The following ANK3 variants were observed in gnomAD, a reference collection of about 807,000 sequenced individuals.
The protein encoded by ANK3 is ankyrin 3.
A neutral mutation model predicts 370.9 loss-of-function variants in ANK3; 57 were observed. The observed-to-expected ratio is 0.15, with a 90% CI of 0.12 to 0.19. The LOEUF (loss-of-function observed/expected upper bound fraction) is 0.19. ANK3 is among the 10% of genes least tolerant of loss of function. The pLI is 1.00. For synonymous variants in ANK3, 1,929 were observed against 1,946.3 expected (o/e 0.99, Z 0.23); for missense variants, 4,439 against 5,302.1 (o/e 0.84, Z 5.06).
intron 1 of ANK3, among the ~76,000 whole-genome samples, chr10:60,724,104 G>A (rs1316272052): frequency 1.2e-4 from 16 of 129,998 alleles, no homozygotes; most frequent in Non-Finnish European, 1.0e-4. Context: ...CAGCTACTCG[G>A]GAGGCTGAGG....
At chr10:60,509,409 G>A (rs1201224034) in intron 2 of ANK3, among the ~76,000 whole-genome samples, 1 of 151,728 alleles carries the variant, frequency 6.6e-6, no homozygotes, top group Non-Finnish European at 1.5e-5. Flanking sequence ...CATTTTTTTT[G>A]TAAACAAGGA....
At position 60,026,641 on chromosome 10, in the gene ANK3, G is replaced by A. The variant is rs900286826; in HGVS notation, c.*3205C>T. 1.3e-5 allele frequency: 2 copies of A among 152,154 alleles called. No individual in the cohort carries two copies. The highest frequency in any genetic ancestry group is 2.4e-5 in the African/African-American group (1 of 41,436). 9.4% of individuals were successfully genotyped at this position (152,154 alleles called of 1,614,324 possible). A position where few individuals can be genotyped will look rare whatever the true frequency, so the allele number is the denominator to read the frequency against. On this transcript the variant is annotated 3_prime_UTR_variant, in exon 44 of 44. Transcript: ENST00000280772. ...TCCAGGATGATACCAAATGAACAGC[G>A]AGGAACATCAGGATGCCAAAAAGTC...
At position 60,075,705 on chromosome 10, in the gene ANK3, G is replaced by T; in HGVS notation, c.5176C>A (p.Pro1726Thr). The T allele has an allele frequency of 1.9e-6, 3 of 1,614,058 alleles. No homozygotes were observed. The highest frequency in any genetic ancestry group is 1.1e-5 in the South Asian group (1 of 91,080). ...VNGSISPLKY[P>T]SSSTLINGCK... Reference sequence around the variant, plus strand: ...CCATTAATTAAAGTTGAGGATGATGGATATTTTAGAGGGGAAATAGATCCA... The same window carrying T: ...CCATTAATTAAAGTTGAGGATGATGTATATTTTAGAGGGGAAATAGATCCA... The change falls in exon 37 of 44, where the codon CCA becomes ACA. Residue 1726 changes from proline (P) to threonine (T), a missense_variant. This residue lies in a region of ANK3 where 679 missense variants were observed against 791.0 expected (regional missense o/e 0.86). Coordinates refer to ENST00000280772, the MANE Select transcript of ANK3 (RefSeq NM_020987.5).
chr10:60,153,483 T>C (rs1201847544), intron 23 of ANK3, among the ~76,000 whole-genome samples: 2 of 152,164 alleles, frequency 1.3e-5, no homozygotes, highest in African/African-American at 2.4e-5. Context: ...ACAGATTGCA[T>C]AAAACTCAGA....
chr10:60,430,707 T>C (rs1480631191), intron 2 of ANK3, among the ~76,000 whole-genome samples: 1 of 152,174 alleles, frequency 6.6e-6, no homozygotes, highest in Non-Finnish European at 1.5e-5. Context: ...TTGTGGGTAA[T>C]GAGAGAAAAA....
At chr10:60,272,347 C>CT (rs1196357344) in intron 4 of ANK3, among the ~76,000 whole-genome samples, 4 of 152,126 alleles carry the variant, frequency 2.6e-5, no homozygotes, top group Non-Finnish European at 5.9e-5. Context: ...ACCAGTATGG[C>CT]TTTTTCTCAT....
At chr10:60,109,085 G>A in intron 26 of ANK3, 31 bp from the exon 27 acceptor site, 1 of 1,569,498 alleles carries the variant, frequency 6.4e-7, no homozygotes, top group African/African-American at 1.3e-5. Flanking sequence ...GCCAATTCAA[G>A]GACGGAAATA....
Position 60,491,605 on chromosome 10 carries a change from T to A in ANK3, c.96+123581A>T, listed in dbSNP as rs78489184. ...TTGCTCCAGCCTCAAGGAAGTTTGA[T>A]ATAGTTGGGGAACTTAGACATGAAA... On this transcript the variant is annotated intron_variant, in intron 2 of 43. Coordinates refer to the ANK3 transcript ENST00000373827. Among the ~76,000 whole-genome samples the A allele has an allele frequency of 6.6e-3, 1,008 of 152,326 alleles. 13 individuals carry two copies. The highest frequency in any genetic ancestry group is 0.023 in the African/African-American group (943 of 41,562).
chr10:60,659,439 C>T (rs34739457), intron 1 of ANK3, among the ~76,000 whole-genome samples: 50,547 of 151,848 alleles, frequency 0.33, 8,965 homozygotes, highest in South Asian at 0.56. Flanking sequence ...TGTAGTTTCT[C>T]ATTTTTAATT....
chr10:60,099,893 C>T (rs753054720), intron 28 of ANK3, among the ~76,000 whole-genome samples: 14 of 151,868 alleles, frequency 9.2e-5, no homozygotes, highest in African/African-American at 1.2e-4. Flanking sequence ...TGTCCAACCT[C>T]GTGGACCTGC....
rs2097407186 is a variant in ANK3 at position 60,240,060 on chromosome 10, TATATAC to T, written c.799-5280_799-5275del. Among the ~76,000 whole-genome samples, 3 of 62,038 alleles carry T rather than the reference TATATAC, an allele frequency of 4.8e-5. 1 individual carries two copies. Among genetic ancestry groups the T allele is most frequent in the African/African-American group, 9.4e-5 (2 of 21,248 alleles). The allele number at this position is 62,038 out of a possible 152,430, so 40.7% of individuals were successfully genotyped here. On this transcript the variant is annotated intron_variant, in intron 7 of 43. Transcript: ENST00000280772. ...ACACATATATATACATATATACACA[TATATAC>T]ATATATATACATATATACACTATAT...
At chr10:60,237,389 C>G (rs1039904469) in intron 7 of ANK3, among the ~76,000 whole-genome samples, 1 of 152,092 alleles carries the variant, frequency 6.6e-6, no homozygotes, top group Non-Finnish European at 1.5e-5. Flanking sequence ...CTCATCACTT[C>G]CCAGTGTGAG....
At chr10:60,336,619 C>T (rs1489406204) in intron 1 of ANK3, among the ~76,000 whole-genome samples, 1 of 151,946 alleles carries the variant, frequency 6.6e-6, no homozygotes, top group African/African-American at 2.4e-5. Flanking sequence ...AGCTAGCTGG[C>T]TTATCTATAT....
At chr10:60,216,189 A>G (rs1309956666) in intron 8 of ANK3, among the ~76,000 whole-genome samples, 1 of 152,068 alleles carries the variant, frequency 6.6e-6, no homozygotes, top group Non-Finnish European at 1.5e-5. Context: ...AGTTTTTTAA[A>G]TATAAAATCA....
intron 1 of ANK3, among the ~76,000 whole-genome samples, chr10:60,309,578 CA>C (rs1252652495): frequency 1.6e-4 from 25 of 152,082 alleles, no homozygotes; most frequent in Admixed American, 1.6e-3. Flanking sequence ...CACATTACTC[CA>C]GGGGGGTGTT....
intron 1 of ANK3, among the ~76,000 whole-genome samples, chr10:60,366,318 GAC>G (rs1416503288): frequency 6.6e-6 from 1 of 152,032 alleles, no homozygotes; most frequent in Non-Finnish European, 1.5e-5. Context: ...GAGTGACAGA[GAC>G]AGACTCTGTC....
chr10:60,088,039 C>G (rs1014599527), intron 29 of ANK3, 108 bp downstream of exon 29: 38 of 848,880 alleles, frequency 4.5e-5, no homozygotes, highest in Non-Finnish European at 5.7e-5. Flanking sequence ...CCCCAAACGG[C>G]CTAATTAGCA....
chr10:60,676,269 T>C (rs919627513), intron 1 of ANK3, among the ~76,000 whole-genome samples: 4 of 152,182 alleles, frequency 2.6e-5, no homozygotes, highest in African/African-American at 7.2e-5. Flanking sequence ...GTTTTACCTT[T>C]TCTCAATAGG....
At chr10:60,132,080 G>A (rs1156472434) in intron 25 of ANK3, among the ~76,000 whole-genome samples, 1 of 151,916 alleles carries the variant, frequency 6.6e-6, no homozygotes, top group Non-Finnish European at 1.5e-5. Context: ...ATTTCAATTG[G>A]GAATATGAAA....
Sources: gnomAD v4.1 joint callset for allele counts (sites outside exome capture counted in the v4.1 genomes callset) on GRCh38, gnomAD v4.1.1 for gene constraint, gnomAD v4.1.1 regional missense constraint, MANE v1.5 for transcripts, NCBI Gene and HGNC (gene_info 2026-07-23, HGNC 2026-07-21) for gene names.